Variants in ARHGAP42 observed in about 807,000 individuals in gnomAD.
ARHGAP42 encodes rho GTPase-activating protein 42.
ARHGAP42 carries 63 observed loss-of-function variants against 125.0 expected under a neutral mutation model. The observed-to-expected ratio is 0.50, with a 90% CI of 0.41 to 0.62. ARHGAP42 has a LOEUF of 0.62. Among genes scored for constraint, ARHGAP42 ranks in the 20% least tolerant of loss-of-function variants. The pLI is 0.00. For synonymous variants in ARHGAP42, 339 were observed against 351.0 expected (o/e 0.97, Z 0.38); for missense variants, 766 against 1,024.2 (o/e 0.75, Z 3.44).
chr11:100,867,669 T>G (rs1423556352), intron 4 of ARHGAP42, among the ~76,000 whole-genome samples: 1 of 152,260 alleles, frequency 6.6e-6, no homozygotes, highest in Non-Finnish European at 1.5e-5. Context: ...TTACCATTTG[T>G]GTGTTCACTG....
intron 3 of ARHGAP42, among the ~76,000 whole-genome samples, chr11:100,836,708 GT>G (rs369289648): frequency 6.1e-5 from 7 of 114,096 alleles, no homozygotes; most frequent in East Asian, 2.8e-4. Flanking sequence ...AAGGTTTTTT[GT>G]TTTTTTTTTG....
At chr11:100,719,868 T>A (rs1861730812) in intron 1 of ARHGAP42, among the ~76,000 whole-genome samples, 1 of 151,972 alleles carries the variant, frequency 6.6e-6, no homozygotes, top group Admixed American at 6.6e-5. Context: ...CAGCAGAGAG[T>A]GCTTAGCAGC....
Position 100,837,666 on chromosome 11 carries a change from C to CTTTTTTTTTTTTTTTTT in ARHGAP42, c.313-21873_313-21857dup, listed in dbSNP as rs373059302. On this transcript the variant is annotated intron_variant, in intron 3 of 23. Transcript: ENST00000298815. The stretch of plus-strand genomic sequence containing the variant: ...CAGTTCCCAGAATCTAGGTGTCATC[C>CTTTTTTTTTTTTTTTTT]TTTTTTTTTTTTTTTTTTTTTTTTT... Among the ~76,000 whole-genome samples, 177 of 60,952 alleles carry CTTTTTTTTTTTTTTTTT rather than the reference C, an allele frequency of 2.9e-3. 21 individuals are homozygous for CTTTTTTTTTTTTTTTTT. The highest frequency in any genetic ancestry group is 4.7e-3 in the East Asian group (8 of 1,708). The allele number at this position is 60,952 out of a possible 152,430, so 40.0% of individuals were successfully genotyped here.
chr11:100,905,648 A>C (rs1427083666), intron 4 of ARHGAP42, among the ~76,000 whole-genome samples: 1 of 152,108 alleles, frequency 6.6e-6, no homozygotes, highest in Non-Finnish European at 1.5e-5. Context: ...AATTTTGCTT[A>C]ATATTCTGTT....
chr11:100,927,749 G>A (rs1265469008), intron 6 of ARHGAP42, among the ~76,000 whole-genome samples: 1 of 152,268 alleles, frequency 6.6e-6, no homozygotes, highest in Admixed American at 6.5e-5. Flanking sequence ...CCTCTTGAAT[G>A]CTTACAAATC....
In ARHGAP42 at chr11:100,976,090, CTATGGGGAG is replaced by C; in HGVS notation, c.1890_1898del (p.Met631_Ser633del). The C allele has an allele frequency of 2.6e-6, 4 of 1,545,656 alleles. No homozygotes were observed. The highest frequency in any genetic ancestry group is 3.5e-6 in the Non-Finnish European group (4 of 1,144,124). ...TATAGCAGCAGCCCAGACAGCACAC[CTATGGGGAG>C]CATTGAGTCACTCTCTTCTCATTCC... On this transcript the variant is annotated inframe_deletion, in exon 20 of 24. Transcript: ENST00000298815.
intron 3 of ARHGAP42, among the ~76,000 whole-genome samples, chr11:100,799,218 TG>T (rs1185574776): frequency 6.6e-6 from 1 of 151,962 alleles, no homozygotes; most frequent in African/African-American, 2.4e-5. Context: ...AGAGATGAGG[TG>T]GGGAAGAAAT....
chr11:100,932,362 T>G (rs1393107610), intron 6 of ARHGAP42, among the ~76,000 whole-genome samples: 1 of 152,178 alleles, frequency 6.6e-6, no homozygotes, highest in Non-Finnish European at 1.5e-5. Flanking sequence ...AAGATTAGGT[T>G]AGGAGACAAG....
At chr11:100,796,768 CTTT>C (rs35175302) in intron 3 of ARHGAP42, among the ~76,000 whole-genome samples, 11 of 118,972 alleles carry the variant, frequency 9.2e-5, no homozygotes, top group Non-Finnish European at 1.4e-4. Flanking sequence ...CTTTTTAATT[CTTT>C]TTTTTTTTTT....
chr11:100,721,117 AAAGTC>A (rs1861750767), intron 1 of ARHGAP42, among the ~76,000 whole-genome samples: 1 of 152,192 alleles, frequency 6.6e-6, no homozygotes, highest in African/African-American at 2.4e-5. Flanking sequence ...ATTCTTAACT[AAAGTC>A]AAGAGATTAC....
At chr11:100,957,304 G>A (rs621172) in intron 12 of ARHGAP42, among the ~76,000 whole-genome samples, 134,113 of 152,016 alleles carry the variant, frequency 0.88, 59,249 homozygotes, top group East Asian at 1. Context: ...GACAGGAGCA[G>A]ATAGGAAAAA....
rs537398133 is a variant in ARHGAP42 at position 100,804,234 on chromosome 11, T to A, written c.312+9068T>A. The stretch of plus-strand genomic sequence containing the variant: ...TGAACACCTGACCTCAAGTAATGAT[T>A]TCACCTCGGCCTCTCAAAGTACTAG... On this transcript the variant is annotated intron_variant, in intron 3 of 23. Transcript: ENST00000298815. Among the ~76,000 whole-genome samples the A allele has an allele frequency of 1.6e-4, 24 of 152,312 alleles. No individual in the cohort carries two copies. In the South Asian group the frequency reaches 5.0e-3, roughly 32 times the overall value.
At chr11:100,846,510 C>G (rs747638659) in intron 3 of ARHGAP42, among the ~76,000 whole-genome samples, 1 of 152,156 alleles carries the variant, frequency 6.6e-6, no homozygotes. Context: ...CCACCTCCTA[C>G]CCTACCCCCA....
intron 1 of ARHGAP42, among the ~76,000 whole-genome samples, chr11:100,690,756 C>T (rs750085207): frequency 6.6e-6 from 1 of 152,092 alleles, no homozygotes; most frequent in Non-Finnish European, 1.5e-5. Context: ...GCCACCACAC[C>T]TGGCTAATAT....
chr11:100,827,860 A>G (rs1191447911), intron 3 of ARHGAP42, among the ~76,000 whole-genome samples: 1 of 152,238 alleles, frequency 6.6e-6, no homozygotes, highest in Non-Finnish European at 1.5e-5. Flanking sequence ...GGTTAGTAAT[A>G]GAAAAGGAGA....
At chr11:100,814,361 CAAA>C (rs11351569) in intron 3 of ARHGAP42, among the ~76,000 whole-genome samples, 10 of 109,824 alleles carry the variant, frequency 9.1e-5, no homozygotes, top group Admixed American at 2.8e-4. Flanking sequence ...GACTCCGTCT[CAAA>C]AAAAAAAAAA....
chr11:100,697,608 A>G (rs573620081), intron 1 of ARHGAP42, among the ~76,000 whole-genome samples: 30 of 152,350 alleles, frequency 2.0e-4, no homozygotes, highest in African/African-American at 5.5e-4. Context: ...GCTTATCCAA[A>G]TGAAAGACCC....
intron 2 of ARHGAP42, among the ~76,000 whole-genome samples, chr11:100,773,505 CTGTTAT>C (rs933784475): frequency 3.5e-4 from 53 of 152,260 alleles, no homozygotes; most frequent in African/African-American, 1.2e-3. Flanking sequence ...GACCCTTTAC[CTGTTAT>C]TGTTAAGAGT....
At chr11:100,822,782 A>C (rs780357636) in intron 3 of ARHGAP42, among the ~76,000 whole-genome samples, 15 of 152,194 alleles carry the variant, frequency 9.9e-5, no homozygotes, top group Admixed American at 3.3e-4. Context: ...CAGTTCACAA[A>C]GGTAATTACT....
Sources: allele counts gnomAD v4.1 joint callset (sites outside exome capture counted in the v4.1 genomes callset), GRCh38; gene constraint gnomAD v4.1.1; transcripts MANE v1.5; gene names NCBI Gene and HGNC (gene_info 2026-07-23, HGNC 2026-07-21).